Variants in NRG1 observed in about 807,000 individuals in gnomAD.
NRG1 encodes the protein pro-neuregulin-1, membrane-bound isoform.
NRG1 carries 18 observed loss-of-function variants against 63.8 expected under a neutral mutation model. The observed-to-expected ratio is 0.28, with a 90% CI of 0.19 to 0.42. NRG1 has a LOEUF of 0.42. NRG1 is among the 10% of genes least tolerant of loss of function. The pLI is 1.00. For missense variants in NRG1, 762 were observed against 814.7 expected (o/e 0.94, Z 0.79); for synonymous variants, 302 against 301.3 (o/e 1.00, Z -0.02).
At chr8:32,347,718 G>T (rs1805093430) in intron 1 of NRG1, among the ~76,000 whole-genome samples, 2 of 152,130 alleles carry the variant, frequency 1.3e-5, no homozygotes, top group African/African-American at 4.8e-5. Context: ...CCCAGAAATG[G>T]TTTCAATGTT....
chr8:32,238,385 G>C (rs1322101458), intron 1 of NRG1, among the ~76,000 whole-genome samples: 1 of 151,548 alleles, frequency 6.6e-6, no homozygotes, highest in Non-Finnish European at 1.5e-5. Flanking sequence ...CTTGAACATG[G>C]CGGAGATTGC....
At chr8:32,594,866 TAGGTCC>T (rs1336459354) in intron 1 of NRG1, among the ~76,000 whole-genome samples, 1 of 152,192 alleles carries the variant, frequency 6.6e-6, no homozygotes, top group Non-Finnish European at 1.5e-5. Flanking sequence ...AGAAACTCTG[TAGGTCC>T]AGTCAAAGAG....
At chr8:32,086,850 T>C (rs573679686) in intron 1 of NRG1, among the ~76,000 whole-genome samples, 1 of 152,210 alleles carries the variant, frequency 6.6e-6, no homozygotes, top group Non-Finnish European at 1.5e-5. Flanking sequence ...GAAGAAATAA[T>C]GAGTCAGTCT....
At chr8:32,559,545 T>C (rs998693824) in intron 1 of NRG1, among the ~76,000 whole-genome samples, 2 of 152,278 alleles carry the variant, frequency 1.3e-5, no homozygotes, top group African/African-American at 4.8e-5. Context: ...TGCCTGAAAA[T>C]GTTCTTATGT....
At chr8:32,528,240 G>C (rs1831082990) in intron 1 of NRG1, among the ~76,000 whole-genome samples, 1 of 152,128 alleles carries the variant, frequency 6.6e-6, no homozygotes, top group African/African-American at 2.4e-5. Flanking sequence ...TGAAAGTACT[G>C]TCTGTTGTTA....
At chr8:31,644,376 A>T (rs1372019011) in intron 1 of NRG1, among the ~76,000 whole-genome samples, 2 of 152,222 alleles carry the variant, frequency 1.3e-5, no homozygotes, top group Non-Finnish European at 1.5e-5. Flanking sequence ...AACATAGGTC[A>T]TTTGGGAGAA....
At chr8:32,392,763 T>C (rs181301855) in intron 1 of NRG1, among the ~76,000 whole-genome samples, 3 of 152,314 alleles carry the variant, frequency 2.0e-5, no homozygotes, top group African/African-American at 4.8e-5. Context: ...TGTTTGATGA[T>C]TTGGGAGTGA....
intron 1 of NRG1, among the ~76,000 whole-genome samples, chr8:32,351,225 T>G (rs1053113390): frequency 6.6e-6 from 1 of 152,108 alleles, no homozygotes; most frequent in Non-Finnish European, 1.5e-5. Flanking sequence ...TTTCCTTACT[T>G]TGTAATGCTA....
At chr8:32,443,517 T>C (rs899392955) in intron 1 of NRG1, among the ~76,000 whole-genome samples, 1 of 152,168 alleles carries the variant, frequency 6.6e-6, no homozygotes, top group African/African-American at 2.4e-5. Context: ...GGAAGGATGC[T>C]AGGACAAGTG....
chr8:32,619,094 G>A (rs1416885473), intron 5 of NRG1, among the ~76,000 whole-genome samples: 1 of 152,096 alleles, frequency 6.6e-6, no homozygotes, highest in African/African-American at 2.4e-5. Flanking sequence ...TGCACTTGTA[G>A]TCCCACCTTC....
At chr8:31,910,934 A>G (rs955363737) in intron 1 of NRG1, among the ~76,000 whole-genome samples, 1 of 152,142 alleles carries the variant, frequency 6.6e-6, no homozygotes, top group South Asian at 2.1e-4. Flanking sequence ...TTACAACAGG[A>G]CCAGCCTCAT....
At chr8:32,271,135 C>T (rs1851503498) in intron 1 of NRG1, among the ~76,000 whole-genome samples, 1 of 152,084 alleles carries the variant, frequency 6.6e-6, no homozygotes, top group Admixed American at 6.6e-5. Flanking sequence ...CCTGCTTCAG[C>T]CCTAGGTCTT....
chr8:32,227,235 A>G (rs1045528347), intron 1 of NRG1, among the ~76,000 whole-genome samples: 2 of 152,196 alleles, frequency 1.3e-5, no homozygotes, highest in Admixed American at 1.3e-4. Flanking sequence ...AACATGTTCC[A>G]AGCTATGCAG....
At chr8:32,155,181 T>C (rs898994084) in intron 1 of NRG1, among the ~76,000 whole-genome samples, 1 of 151,812 alleles carries the variant, frequency 6.6e-6, no homozygotes, top group Admixed American at 6.6e-5. Context: ...AAAAAAAATG[T>C]GAGACTAAGA....
rs186817786 is a variant in NRG1 at position 31,894,496 on chromosome 8, T to G, written c.37+255065T>G. On this transcript the variant is annotated intron_variant, in intron 1 of 10. Transcript: ENST00000519301. ...AAGGCTGCATGAAAATATGGTAAAT[T>G]GTTTGCATAGGTTATCATTGAGTAG... Among the ~76,000 whole-genome samples the G allele has an allele frequency of 2.4e-3, 363 of 152,164 alleles. 2 individuals are homozygous for G. Among genetic ancestry groups the G allele is most frequent in the Non-Finnish European group, 3.2e-3 (217 of 67,996 alleles).
intron 1 of NRG1, among the ~76,000 whole-genome samples, chr8:32,448,494 C>T (rs768197834): frequency 3.3e-5 from 5 of 152,158 alleles, no homozygotes; most frequent in Non-Finnish European, 5.9e-5. Flanking sequence ...ACTCTTTTAG[C>T]TGGCCCGAGT....
chr8:31,775,574 C>T (rs1339273739), intron 1 of NRG1, among the ~76,000 whole-genome samples: 1 of 152,098 alleles, frequency 6.6e-6, no homozygotes, highest in East Asian at 1.9e-4. Context: ...TGTACTTGTA[C>T]CTCTTAAATA....
At chr8:32,470,553 A>G (rs1255675232) in intron 1 of NRG1, among the ~76,000 whole-genome samples, 2 of 152,028 alleles carry the variant, frequency 1.3e-5, no homozygotes, top group Admixed American at 6.5e-5. Context: ...CTGAGTTTCA[A>G]CCTTTTTATT....
intron 1 of NRG1, among the ~76,000 whole-genome samples, chr8:32,350,638 G>A (rs1483048940): frequency 1.3e-5 from 2 of 152,012 alleles, no homozygotes; most frequent in African/African-American, 4.8e-5. Context: ...GATATAAGGT[G>A]TTTATTCTTT....
Sources: gnomAD v4.1 joint callset for allele counts (sites outside exome capture counted in the v4.1 genomes callset) on GRCh38, gnomAD v4.1.1 for gene constraint, MANE v1.5 for transcripts, NCBI Gene and HGNC (gene_info 2026-07-23, HGNC 2026-07-21) for gene names.